HYDIN: variants seen among roughly 807,000 people sequenced by gnomAD.
The protein encoded by HYDIN is HYDIN axonemal central pair apparatus protein.
Under a neutral mutation model 403.9 loss-of-function variants are expected in HYDIN, and 132 were observed. The observed-to-expected ratio is 0.33, with a 90% CI of 0.28 to 0.38. The LOEUF is 0.38. HYDIN is among the 10% of genes least tolerant of loss of function. The pLI is 1.00. For missense variants in HYDIN, 2,827 were observed against 5,009.5 expected, an observed-to-expected ratio of 0.56 and a Z score of 13.15; for synonymous variants, 1,202 against 1,891.7, an observed-to-expected ratio of 0.64 and a Z score of 9.46.
rs2035110232 is a variant in HYDIN at position 70,806,419 on chromosome 16, A to C, written c.*1161T>G. Among the ~76,000 whole-genome samples, 1 of 152,158 alleles carries C rather than the reference A, an allele frequency of 6.6e-6. No homozygotes were observed. Among genetic ancestry groups the C allele is most frequent in the Non-Finnish European group, 1.5e-5 (1 of 68,030 alleles). ...TGGGGAGGTACAGAAGAAGGAGAAG[A>C]GTCTCCCTCCATGAAAGCCACCTCT... On this transcript the variant is annotated 3_prime_UTR_variant, in exon 86 of 86. Coordinates refer to ENST00000393567, the MANE Select transcript of HYDIN (RefSeq NM_001270974.2).
chr16:70,831,511 A>G (rs1238762662), intron 80 of HYDIN, among the ~76,000 whole-genome samples: 3 of 103,654 alleles, frequency 2.9e-5, no homozygotes, highest in Middle Eastern at 4.9e-3. Flanking sequence ...TCTGTCTCAG[A>G]AAAAAAAAAA....
In HYDIN at chr16:70,805,828, C is replaced by T. The variant is rs2143407352; in HGVS notation, c.*1752G>A. ...TCCTCCTCATCTATGGCTTCAGTTA[C>T]CTGTGGTCAACTGTGGAATGAAAAT... is the stretch of plus-strand genomic sequence containing the variant. On this transcript the variant is annotated 3_prime_UTR_variant, in exon 86 of 86. Transcript: ENST00000393567. Among the ~76,000 whole-genome samples the T allele has an allele frequency of 6.6e-6, 1 of 152,260 alleles. No individual in the cohort carries two copies. Among genetic ancestry groups the T allele is most frequent in the Middle Eastern group, 3.4e-3 (1 of 294 alleles).
intron 23 of HYDIN, among the ~76,000 whole-genome samples, chr16:71,001,658 C>T (rs1469841443): frequency 1.3e-5 from 2 of 150,312 alleles, no homozygotes; most frequent in Non-Finnish European, 3.0e-5. Context: ...GCTCATTTTC[C>T]TCTTGAGTCA....
At chr16:71,229,038 CAGCAA>C in intron 1 of HYDIN, among the ~76,000 whole-genome samples, 1 of 151,662 alleles carries the variant, frequency 6.6e-6, no homozygotes, top group Non-Finnish European at 1.5e-5. Flanking sequence ...CCATCATTCT[CAGCAA>C]ACTATCACAA....
intron 23 of HYDIN, among the ~76,000 whole-genome samples, chr16:70,992,766 C>A (rs904122094): frequency 2.6e-5 from 4 of 152,124 alleles, no homozygotes; most frequent in African/African-American, 9.7e-5. Context: ...CTGGTCCCAC[C>A]AATGAGCTGT....
At chr16:70,873,865 G>A (rs1318430090) in intron 64 of HYDIN, among the ~76,000 whole-genome samples, 3 of 147,946 alleles carry the variant, frequency 2.0e-5, no homozygotes, top group East Asian at 2.0e-4. Flanking sequence ...GAGTAGTGGG[G>A]CTGTGCAGAG....
At chr16:71,163,067 C>A (rs1442878927) in intron 5 of HYDIN, among the ~76,000 whole-genome samples, 1 of 151,844 alleles carries the variant, frequency 6.6e-6, no homozygotes, top group African/African-American at 2.4e-5. Context: ...TCCCTCAGGT[C>A]CTCCTTCCAA....
chr16:71,092,599 G>A (rs887154812), intron 11 of HYDIN, among the ~76,000 whole-genome samples: 7 of 150,700 alleles, frequency 4.6e-5, no homozygotes, highest in South Asian at 2.1e-4. Context: ...TGTTTTTTTT[G>A]AGACAGAGTC....
chr16:71,149,246 G>A (rs1328593531), intron 7 of HYDIN, among the ~76,000 whole-genome samples: 1 of 152,028 alleles, frequency 6.6e-6, no homozygotes, highest in Admixed American at 6.6e-5. Context: ...TTTATACCGA[G>A]TAGAATGGCT....
chr16:71,177,509 C>T (rs545068432), intron 4 of HYDIN, among the ~76,000 whole-genome samples: 1 of 152,146 alleles, frequency 6.6e-6, no homozygotes, highest in Non-Finnish European at 1.5e-5. Flanking sequence ...TGAAACAGAC[C>T]ATTTTCTCCA....
intron 40 of HYDIN, among the ~76,000 whole-genome samples, 155 bp downstream of exon 40, chr16:70,955,220 G>A (rs2078195826): frequency 6.6e-6 from 1 of 151,794 alleles, no homozygotes; most frequent in South Asian, 2.1e-4. Flanking sequence ...TTCGTGAAGA[G>A]AATTCTCCTC....
intron 6 of HYDIN, 101 bp downstream of exon 6, chr16:71,162,430 G>GT (rs2144604421): frequency 1.7e-6 from 1 of 603,904 alleles, no homozygotes; most frequent in African/African-American, 1.9e-5. Context: ...ACTGAAGACT[G>GT]TAACAAGCAA....
chr16:71,184,762 A>C, intron 3 of HYDIN, 103 bp downstream of exon 3: 1 of 981,038 alleles, frequency 1.0e-6, no homozygotes, highest in Non-Finnish European at 1.5e-6. Flanking sequence ...AACAAACCCA[A>C]TAAAGGATTA....
At chr16:71,065,439 G>A (rs1386114458) in intron 15 of HYDIN, among the ~76,000 whole-genome samples, 1 of 152,020 alleles carries the variant, frequency 6.6e-6, no homozygotes, top group African/African-American at 2.4e-5. Context: ...CAGAAAAGAG[G>A]GGAGTTGAAG....
intron 58 of HYDIN, among the ~76,000 whole-genome samples, chr16:70,884,663 T>C (rs560527591): frequency 6.6e-6 from 1 of 150,946 alleles, no homozygotes; most frequent in Admixed American, 6.6e-5. Context: ...GCATAGCATC[T>C]GGTATGGAAT....
rs2035093061 is a variant in HYDIN at position 70,806,103 on chromosome 16, T to C, written c.*1477A>G. Among the ~76,000 whole-genome samples, 1 of 152,208 alleles carries C rather than the reference T, an allele frequency of 6.6e-6. No individual in the cohort carries two copies. Among genetic ancestry groups the C allele is most frequent in the Non-Finnish European group, 1.5e-5 (1 of 68,044 alleles). ...AAGGAAACCTTATTTAGTTTAATAA[T>C]GGCCCCAAAGCACATGGGTAGTGAT... On this transcript the variant is annotated 3_prime_UTR_variant, in exon 86 of 86. Coordinates refer to ENST00000393567, the MANE Select transcript of HYDIN (RefSeq NM_001270974.2).
chr16:70,878,229 G>GT (rs2040565348), intron 62 of HYDIN, among the ~76,000 whole-genome samples: 1 of 150,330 alleles, frequency 6.7e-6, no homozygotes, highest in Admixed American at 6.6e-5. Flanking sequence ...CTGCCACCAC[G>GT]TAAGACATGT....
At chr16:71,223,034 G>A (rs958440406) in intron 1 of HYDIN, among the ~76,000 whole-genome samples, 3 of 152,036 alleles carry the variant, frequency 2.0e-5, no homozygotes, top group African/African-American at 7.2e-5. Context: ...TAAGCAAAAA[G>A]AACAAATCTA....
rs1378154109 is a variant in HYDIN at position 71,031,419 on chromosome 16, G to A, written c.2768+260C>T. Reference sequence around the variant, plus strand: ...ATTAATCACAGAGTAGCCAGTTTGAGAAAAGAATGCATTTCCTACAAACCA... The same window carrying A: ...ATTAATCACAGAGTAGCCAGTTTGAAAAAAGAATGCATTTCCTACAAACCA... On this transcript the variant is annotated intron_variant, in intron 19 of 85. Transcript: ENST00000393567. 22 of 1,304,878 alleles carry A rather than the reference G, an allele frequency of 1.7e-5. No homozygotes were observed. In the African/African-American group the frequency reaches 3.1e-4, roughly 18 times the overall value. 80.8% of individuals were successfully genotyped at this position (1,304,878 alleles called of 1,614,324 possible). A position where few individuals can be genotyped will look rare whatever the true frequency, so the allele number is the denominator to read the frequency against.
Sources: gnomAD v4.1 joint callset for allele counts (sites outside exome capture counted in the v4.1 genomes callset) on GRCh38, gnomAD v4.1.1 for gene constraint, MANE v1.5 for transcripts, NCBI Gene and HGNC (gene_info 2026-07-23, HGNC 2026-07-21) for gene names.